The following KLHL24 variants were observed in gnomAD, a reference collection of about 807,000 sequenced individuals.
KLHL24 encodes the protein kelch like family member 24.
In KLHL24, 29 loss-of-function variants were observed where a neutral mutation model predicts 53.4. The ratio of observed to expected loss-of-function variants is 0.54; its 90% CI spans 0.40 to 0.74. KLHL24 has a LOEUF of 0.74. KLHL24 is among the 30% of genes least tolerant of loss of function. The pLI is 0.00. For missense variants in KLHL24, 504 were observed against 744.0 expected, an observed-to-expected ratio of 0.68 and a Z score of 3.75; for synonymous variants, 222 against 253.7, an observed-to-expected ratio of 0.88 and a Z score of 1.19.
At chr3:183,642,402 A>G (rs2108766766) in intron 1 of KLHL24, among the ~76,000 whole-genome samples, 1 of 152,262 alleles carries the variant, frequency 6.6e-6, no homozygotes. Flanking sequence ...TTGTGTGTAT[A>G]CATTTAAAAA....
chr3:183,655,464 G>GA (rs1395336747), intron 3 of KLHL24, among the ~76,000 whole-genome samples: 3 of 151,612 alleles, frequency 2.0e-5, no homozygotes, highest in East Asian at 1.9e-4. Flanking sequence ...TGTTCCTACA[G>GA]AAAAAAAAGA....
intron 7 of KLHL24, among the ~76,000 whole-genome samples, chr3:183,673,529 G>A (rs1356551322): frequency 6.6e-6 from 1 of 152,056 alleles, no homozygotes; most frequent in Non-Finnish European, 1.5e-5. Context: ...CTGTTGTAAA[G>A]GAAATGGCTG....
intron 3 of KLHL24, among the ~76,000 whole-genome samples, chr3:183,655,510 T>A (rs544100352): frequency 2.6e-4 from 39 of 152,212 alleles, no homozygotes; most frequent in African/African-American, 9.4e-4. Context: ...GTACCTGTAG[T>A]CCCAGCTGCT....
chr3:183,658,278 A>G (rs1332674457), intron 3 of KLHL24, among the ~76,000 whole-genome samples: 1 of 152,062 alleles, frequency 6.6e-6, no homozygotes, highest in Admixed American at 6.6e-5. Flanking sequence ...TTATGCAGAT[A>G]GTAGGGTACA....
chr3:183,668,182 T>C (rs1484824994), intron 5 of KLHL24, among the ~76,000 whole-genome samples: 3 of 152,020 alleles, frequency 2.0e-5, no homozygotes, highest in South Asian at 2.1e-4. Context: ...CTATATTATA[T>C]ATAGTGTTTG....
At chr3:183,649,946 T>C (rs1717893604) in intron 2 of KLHL24, among the ~76,000 whole-genome samples, 1 of 152,162 alleles carries the variant, frequency 6.6e-6, no homozygotes, top group African/African-American at 2.4e-5. Flanking sequence ...ATTCTAACTG[T>C]AGTCAAATTG....
rs1406383423 is a variant in KLHL24, at chr3:183,635,659, A to C, written c.-259A>C. 6.6e-6 allele frequency: 1 copy of C among 152,500 alleles called. No individual in the cohort carries two copies. The highest frequency in any genetic ancestry group is 2.1e-4 in the South Asian group (1 of 4,822). 9.4% of individuals were successfully genotyped at this position (152,500 alleles called of 1,614,324 possible). A position where few individuals can be genotyped will look rare whatever the true frequency, so the allele number is the denominator to read the frequency against. On this transcript the variant is annotated 5_prime_UTR_variant, in exon 1 of 8. Coordinates refer to ENST00000242810, the MANE Select transcript of KLHL24 (RefSeq NM_017644.3). Reference sequence around the variant, plus strand: ...CGGCAGAGACTGGTGGCTGGAGGAGACGCCGGCGCTGGAGAGTGCGCTGCG... The same window carrying C: ...CGGCAGAGACTGGTGGCTGGAGGAGCCGCCGGCGCTGGAGAGTGCGCTGCG...
chr3:183,677,925 G>A (rs1712179912), intron 7 of KLHL24, among the ~76,000 whole-genome samples: 1 of 152,066 alleles, frequency 6.6e-6, no homozygotes, highest in South Asian at 2.1e-4. Flanking sequence ...CCGAGTAGTA[G>A]GGATTACAAG....
chr3:183,639,582 ATC>A (rs1474989188), intron 1 of KLHL24, among the ~76,000 whole-genome samples: 2 of 144,754 alleles, frequency 1.4e-5, no homozygotes, highest in Non-Finnish European at 3.0e-5. Context: ...GTGAGCCAAG[ATC>A]GCGCCGCTGC....
chr3:183,642,534 A>C (rs1024338296), intron 1 of KLHL24, among the ~76,000 whole-genome samples: 1 of 143,540 alleles, frequency 7.0e-6, no homozygotes, highest in Non-Finnish European at 1.5e-5. Flanking sequence ...TTTAAATACT[A>C]TTGCTATTCT....
intron 5 of KLHL24, among the ~76,000 whole-genome samples, chr3:183,666,844 T>C (rs1272312906): frequency 1.3e-5 from 2 of 152,148 alleles, no homozygotes; most frequent in African/African-American, 4.8e-5. Flanking sequence ...CCTTGGAGTC[T>C]TTAGCTTCTC....
At chr3:183,666,509 G>A (rs778487143) in intron 5 of KLHL24, among the ~76,000 whole-genome samples, 4 of 152,070 alleles carry the variant, frequency 2.6e-5, no homozygotes, top group Non-Finnish European at 4.4e-5. Context: ...TGATCTGCCT[G>A]CCTCAGCCTC....
intron 3 of KLHL24, among the ~76,000 whole-genome samples, chr3:183,653,430 G>A (rs911343420): frequency 6.6e-6 from 1 of 152,204 alleles, no homozygotes; most frequent in Non-Finnish European, 1.5e-5. Flanking sequence ...TCTAAAGGCT[G>A]AGCAATGAAC....
chr3:183,671,259 A>T, intron 6 of KLHL24, 37 bp downstream of exon 6: 2 of 1,568,282 alleles, frequency 1.3e-6, no homozygotes, highest in South Asian at 2.3e-5. Flanking sequence ...ACCAATATTA[A>T]GTACAAGAAG....
Position 183,650,268 on chromosome 3 carries a change from T to C in KLHL24, c.-61-28T>C. ...TTTGAATACTGAATTTTTTGCATAT[T>C]GAAATGTTTTCCTTTTTTTACTTTT... On this transcript the variant is annotated intron_variant, in intron 2 of 7. Coordinates refer to ENST00000242810, the MANE Select transcript of KLHL24 (RefSeq NM_017644.3). The surrounding 1 kb of genome is among the most constrained non-coding windows in gnomAD (Gnocchi z 4.5). The C allele has an allele frequency of 1.0e-6, 1 of 985,500 alleles. No individual in the cohort carries two copies. Among genetic ancestry groups the C allele is most frequent in the Non-Finnish European group, 1.5e-6 (1 of 669,904 alleles). 61.0% of individuals were successfully genotyped at this position (985,500 alleles called of 1,614,324 possible).
intron 3 of KLHL24, among the ~76,000 whole-genome samples, chr3:183,652,861 G>C (rs910902235): frequency 6.6e-6 from 1 of 152,158 alleles, no homozygotes; most frequent in African/African-American, 2.4e-5. Context: ...CAGACTGAAT[G>C]GTCTGAGGTC....
At chr3:183,667,561 T>C (rs1457620878) in intron 5 of KLHL24, among the ~76,000 whole-genome samples, 1 of 151,972 alleles carries the variant, frequency 6.6e-6, no homozygotes, top group Non-Finnish European at 1.5e-5. Flanking sequence ...TGATCTGAGG[T>C]GGAACAGTTA....
At chr3:183,636,099 G>C (rs1229906538) in intron 1 of KLHL24, 1 of 152,656 alleles carries the variant, frequency 6.6e-6, no homozygotes, top group African/African-American at 2.4e-5. Context: ...CGGGACTGGG[G>C]GTAGCCGCAG....
In KLHL24 at chr3:183,650,810, C is replaced by A; in HGVS notation, c.454C>A (p.Arg152Ser). The change falls in exon 3 of 8, where the codon CGT becomes AGT. Residue 152 changes from arginine (R) to serine (S), a missense_variant. By Grantham distance (110) the Arg-to-Ser change is moderately radical. Coordinates refer to ENST00000242810, the MANE Select transcript of KLHL24 (RefSeq NM_017644.3). This position sits in a 1 kb window ranked among gnomAD's most constrained non-coding sequence, Gnocchi z 4.5. ...AAGCCTCTTTCAGATTAGTGTTCTC[C>A]GTGATGCATGTGCCAAGTTCTTGGA... ...TSSLFQISVL[R>S]DACAKFLEEQ... The A allele has an allele frequency of 6.2e-7, 1 of 1,613,890 alleles. No homozygotes were observed. The highest frequency in any genetic ancestry group is 8.5e-7 in the Non-Finnish European group (1 of 1,179,926).
Sources: gnomAD v4.1 joint callset for allele counts (sites outside exome capture counted in the v4.1 genomes callset) on GRCh38, gnomAD v4.1.1 for gene constraint, Gnocchi (gnomAD v3.1) non-coding constraint, MANE v1.5 for transcripts, NCBI Gene and HGNC (gene_info 2026-07-23, HGNC 2026-07-21) for gene names.